SYNJ2: variants seen among roughly 807,000 people sequenced by gnomAD.
SYNJ2 encodes the protein synaptojanin 2.
Under a neutral mutation model 141.3 loss-of-function variants are expected in SYNJ2, and 116 were observed. The observed-to-expected ratio is 0.82, with a 90% CI of 0.71 to 0.96. The LOEUF (loss-of-function observed/expected upper bound fraction) is 0.96. Among genes scored for constraint, SYNJ2 ranks in the 40% least tolerant of loss-of-function variants. SYNJ2 has a pLI of 0.00. For missense variants in SYNJ2, 1,873 were observed against 1,934.8 expected (o/e 0.97, Z 0.60); for synonymous variants, 745 against 777.7 (o/e 0.96, Z 0.70).
chr6:158,029,042 C>CCCTGCGGAGGGTGGGCCCTGGGTCT lies in SYNJ2; in HGVS notation c.485+21_485+22insGGAGGGTGGGCCCTGGGTCTCCTGC. On this transcript the variant is annotated intron_variant, in intron 3 of 26. Coordinates refer to ENST00000355585, the MANE Select transcript of SYNJ2 (RefSeq NM_003898.4). ...CCTTCTTCTGGTGAGGCCCTGGGTC[C>CCCTGCGGAGGGTGGGCCCTGGGTCT]CCTGCAGAGGGTGGGCCCTGGGTCT... 1 of 1,560,662 alleles carries CCCTGCGGAGGGTGGGCCCTGGGTCT rather than the reference C, an allele frequency of 6.4e-7. No individual in the cohort carries two copies. The highest frequency in any genetic ancestry group is 1.2e-5 in the South Asian group (1 of 83,682).
intron 5 of SYNJ2, among the ~76,000 whole-genome samples, chr6:158,054,178 C>T (rs1185427180): frequency 2.0e-5 from 3 of 150,968 alleles, no homozygotes; most frequent in African/African-American, 7.3e-5. Flanking sequence ...TCCATCCATC[C>T]ATCCATCCAT....
chr6:158,024,653 C>G (rs1160150686), intron 2 of SYNJ2, among the ~76,000 whole-genome samples: 1 of 152,204 alleles, frequency 6.6e-6, no homozygotes, highest in Non-Finnish European at 1.5e-5. Flanking sequence ...AGAACGCTCT[C>G]TTTTTAAACA....
Position 158,033,652 on chromosome 6 carries a change from A to G in SYNJ2, c.683A>G (p.His228Arg). Residue 228 changes from histidine to arginine, a missense_variant, in exon 4 of 27, where the codon CAT becomes CGT. Transcript: ENST00000355585. ...ACCCGTGGCGTGAACGACGACGGCC[A>G]TGTGTCCAACTTCGTGGAGACAGAG... The part of the protein sequence containing the change: ...FHTRGVNDDG[H>R]VSNFVETEQM... 2 of 1,611,590 alleles carry G rather than the reference A, an allele frequency of 1.2e-6. No individual in the cohort carries two copies. The highest frequency in any genetic ancestry group is 2.2e-5 in the East Asian group (1 of 44,862).
Position 158,059,333 on chromosome 6 carries a change from G to A in SYNJ2, c.934G>A (p.Val312Met), listed in dbSNP as rs1254923045. Reference sequence around the variant, plus strand: ...TCTGGGAAGCAGAGGCGGAGAGGAGGTGCTCAACAGAGCCTTCAAGGTAAG... The same window carrying A: ...TCTGGGAAGCAGAGGCGGAGAGGAGATGCTCAACAGAGCCTTCAAGGTAAG... ...NLLGSRGGEE[V>M]LNRAFKKLLW... is the part of the protein sequence containing the mutation. The change falls in exon 7 of 27, where the codon GTG (valine) becomes ATG (methionine). Residue 312 changes from valine (V) to methionine (M), a missense_variant. Val to Met is a conservative substitution (Grantham distance 21, BLOSUM62 1). Transcript: ENST00000355585. The A allele has an allele frequency of 9.0e-6, 14 of 1,550,482 alleles. No homozygotes were observed. Among genetic ancestry groups the A allele is most frequent in the Non-Finnish European group, 1.2e-5 (14 of 1,146,838 alleles).
At position 158,083,588 on chromosome 6, in the gene SYNJ2, G is replaced by C; in HGVS notation, c.3025G>C (p.Glu1009Gln). 6.2e-7 allele frequency: 1 copy of C among 1,614,180 alleles called. No homozygotes were observed. Among genetic ancestry groups the C allele is most frequent in the Non-Finnish European group, 8.5e-7 (1 of 1,180,042 alleles). ...CTTTGACTTCACAAGTTTGGACTAT[G>C]AGTCAGAAGGTTAGTGACCCTGCAG... ...ENFDFTSLDYESEGDILEDDE... is the reference protein window; with the variant it reads ...ENFDFTSLDYQSEGDILEDDE... Residue 1009 changes from glutamate to glutamine, a missense_variant, in exon 21 of 27, where the codon GAG (glutamate) becomes CAG (glutamine). By Grantham distance (29) the Glu-to-Gln change is conservative. Coordinates refer to ENST00000355585, the MANE Select transcript of SYNJ2 (RefSeq NM_003898.4).
rs762262156 is a variant in SYNJ2 at position 158,017,297 on chromosome 6, A to T, written c.214+7A>T. The T allele has an allele frequency of 1.9e-6, 3 of 1,609,922 alleles. No homozygotes were observed. Among genetic ancestry groups the T allele is most frequent in the Non-Finnish European group, 2.5e-6 (3 of 1,178,588 alleles). On this transcript the variant is annotated splice_region_variant and intron_variant, in intron 2 of 26. Transcript: ENST00000355585. ...GAGCTGAGGCTGAAATCTGGTGAGT[A>T]GCCGCTCGCTGGAGGAGCAGGCGCC...
chr6:158,086,694 C>A (rs561926419), intron 22 of SYNJ2, among the ~76,000 whole-genome samples, 161 bp from the exon 23 acceptor site: 1 of 150,466 alleles, frequency 6.6e-6, no homozygotes, highest in African/African-American at 2.5e-5. Context: ...TCCCCGCCCC[C>A]GCCCCTCGCC....
intron 3 of SYNJ2, among the ~76,000 whole-genome samples, chr6:158,033,239 G>C (rs1277354599): frequency 6.6e-6 from 1 of 152,198 alleles, no homozygotes; most frequent in Non-Finnish European, 1.5e-5. Flanking sequence ...TCCTCTACGT[G>C]ACACAGTGGT....
intron 2 of SYNJ2, among the ~76,000 whole-genome samples, chr6:158,021,587 A>C (rs1179708329): frequency 6.6e-6 from 1 of 152,106 alleles, no homozygotes; most frequent in African/African-American, 2.4e-5. Context: ...CCTGGCCTGC[A>C]GAGGGCTGAG....
chr6:158,015,657 G>C (rs1441610384), intron 1 of SYNJ2, among the ~76,000 whole-genome samples: 2 of 152,134 alleles, frequency 1.3e-5, no homozygotes, highest in African/African-American at 4.8e-5. Context: ...TGTTGTTTCA[G>C]ATATCTTGAA....
Position 158,083,937 on chromosome 6 carries a change from T to C in SYNJ2, c.3035-64T>C, listed in dbSNP as rs1782868955. Reference sequence around the variant, plus strand: ...ACAGGAGCTGAACCAGTCCCACTGATGGAAGACTGAGCCTTTCCCCCTCAT... The same window carrying C: ...ACAGGAGCTGAACCAGTCCCACTGACGGAAGACTGAGCCTTTCCCCCTCAT... On this transcript the variant is annotated intron_variant, in intron 21 of 26. Coordinates refer to ENST00000355585, the MANE Select transcript of SYNJ2 (RefSeq NM_003898.4). 1.0e-5 allele frequency: 16 copies of C among 1,570,996 alleles called. No homozygotes were observed. The South Asian group carries it at 1.7e-4, about 16-fold the overall frequency.
intron 1 of SYNJ2, among the ~76,000 whole-genome samples, chr6:157,985,784 C>T (rs780162691): frequency 6.6e-6 from 1 of 152,102 alleles, no homozygotes; most frequent in African/African-American, 2.4e-5. Context: ...TGCCTCCTGC[C>T]GCCCAGCCGG....
rs2128344867 is a variant in SYNJ2 at position 158,043,508 on chromosome 6, T to G, written c.795+109T>G. ...AACACGTTCGTTTCATGGCATAGTTTCCAGTCTTTTTCCTCAGCCCTGTTG... is the reference window on the plus strand; with the variant it reads ...AACACGTTCGTTTCATGGCATAGTTGCCAGTCTTTTTCCTCAGCCCTGTTG... On this transcript the variant is annotated intron_variant, in intron 5 of 26. Coordinates refer to ENST00000355585, the MANE Select transcript of SYNJ2 (RefSeq NM_003898.4). The surrounding 1 kb of genome is among the most constrained non-coding windows in gnomAD (Gnocchi z 4.0). 2.6e-6 allele frequency: 2 copies of G among 775,446 alleles called. No homozygotes were observed. Among genetic ancestry groups the G allele is most frequent in the Non-Finnish European group, 2.1e-6 (1 of 470,232 alleles). The allele number at this position is 775,446 out of a possible 1,614,324, so 48.0% of individuals were successfully genotyped here.
chr6:158,078,056 C>T lies in SYNJ2; in HGVS notation c.2450-108C>T, dbSNP rs963821852. ...AGGAGTAAGGAGGATGAGTCTGGGA[C>T]GTGGGGTGGTTCGTGGCGCAGACCT... is the stretch of plus-strand genomic sequence containing the variant. On this transcript the variant is annotated intron_variant, in intron 17 of 26. Transcript: ENST00000355585. 2.0e-4 allele frequency: 130 copies of T among 663,916 alleles called. 1 individual carries two copies. The Admixed American group carries it at 2.7e-3, about 14-fold the overall frequency. 41.1% of individuals were successfully genotyped at this position (663,916 alleles called of 1,614,324 possible). A position where few individuals can be genotyped will look rare whatever the true frequency, so the allele number is the denominator to read the frequency against.
chr6:158,061,140 C>T (rs999515342), intron 7 of SYNJ2, among the ~76,000 whole-genome samples: 31 of 152,244 alleles, frequency 2.0e-4, no homozygotes, highest in African/African-American at 6.5e-4. Context: ...CAGGCAGTCA[C>T]GTTGAGTCAG....
intron 26 of SYNJ2, chr6:158,094,119 G>T: frequency 1.5e-6 from 1 of 648,270 alleles, no homozygotes; most frequent in Non-Finnish European, 2.8e-6. Flanking sequence ...ACTCTTGACA[G>T]CGCTTGCTTT....
In SYNJ2 at chr6:157,982,378, G is replaced by A. The variant is rs964583233; in HGVS notation, c.127+290G>A. Among the ~76,000 whole-genome samples, 2 of 152,212 alleles carry A rather than the reference G, an allele frequency of 1.3e-5. No homozygotes were observed. Among genetic ancestry groups the A allele is most frequent in the Admixed American group, 1.3e-4 (2 of 15,286 alleles). ...TGGATAGCCGGCTGGGGCGCTTTGC[G>A]TATTCATGAGGATCCCGGGGTGTTG... On this transcript the variant is annotated intron_variant, in intron 1 of 26. Transcript: ENST00000355585. This position sits in a 1 kb window ranked among gnomAD's most constrained non-coding sequence, Gnocchi z 4.0.
At chr6:158,087,218 C>T (rs748912543) in intron 23 of SYNJ2, among the ~76,000 whole-genome samples, 1 of 152,206 alleles carries the variant, frequency 6.6e-6, no homozygotes, top group Non-Finnish European at 1.5e-5. Flanking sequence ...CTGCTGTTCA[C>T]CCTGGAGCTG....
chr6:158,093,917 T>C, intron 26 of SYNJ2: 1 of 765,308 alleles, frequency 1.3e-6, no homozygotes, highest in Non-Finnish European at 2.4e-6. Context: ...CTCAAGCTTC[T>C]CAGCCTTGCT....
Sources: gnomAD v4.1 joint callset for allele counts (sites outside exome capture counted in the v4.1 genomes callset) on GRCh38, gnomAD v4.1.1 for gene constraint, Gnocchi (gnomAD v3.1) non-coding constraint, MANE v1.5 for transcripts, NCBI Gene and HGNC (gene_info 2026-07-23, HGNC 2026-07-21) for gene names.